The following SAMMSON variants were observed in gnomAD, a reference collection of about 807,000 sequenced individuals.
The protein encoded by SAMMSON is survival associated mitochondrial melanoma specific oncogenic non-coding RNA, also known as long intergenic non-protein coding RNA 1212.
chr3:70,034,281 C>T (rs1166877116), intron 3 of SAMMSON, among the ~76,000 whole-genome samples: 1 of 152,054 alleles, frequency 6.6e-6, no homozygotes, highest in Non-Finnish European at 1.5e-5. Flanking sequence ...TTGCTATTCT[C>T]TATGTATGTG....
chr3:70,009,470 G>C (rs1425621789), intron 1 of SAMMSON, among the ~76,000 whole-genome samples: 1 of 152,138 alleles, frequency 6.6e-6, no homozygotes, highest in East Asian at 1.9e-4. Flanking sequence ...ATTTCTGTGG[G>C]ATCGGTGGTG....
At chr3:70,362,149 C>G (rs1330124019) in intron 9 of SAMMSON, among the ~76,000 whole-genome samples, 1 of 152,094 alleles carries the variant, frequency 6.6e-6, no homozygotes, top group African/African-American at 2.4e-5. Context: ...AAGTCAAAGT[C>G]TTTACTTGGG....
At chr3:70,115,244 CAGA>C (rs962025501) in intron 4 of SAMMSON, among the ~76,000 whole-genome samples, 3 of 147,924 alleles carry the variant, frequency 2.0e-5, no homozygotes, top group Admixed American at 6.7e-5. Flanking sequence ...AGAAAAAAAG[CAGA>C]AGACTAGAGA....
rs372964497 is a variant in SAMMSON at position 70,429,014 on chromosome 3, T to C, written n.234-33546T>C. On this transcript the variant is annotated intron_variant and non_coding_transcript_variant, in intron 2 of 3. Transcript: ENST00000641053. ...GCTTTAATTGCCATTGCTTTTGGTGTATTAGTCATGAAGTCTTTGCCCGTG... is the reference window on the plus strand; with the variant it reads ...GCTTTAATTGCCATTGCTTTTGGTGCATTAGTCATGAAGTCTTTGCCCGTG... Among the ~76,000 whole-genome samples the C allele has an allele frequency of 2.5e-4, 38 of 152,350 alleles. 1 individual carries two copies. The South Asian group carries it at 4.1e-3, about 17-fold the overall frequency.
chr3:70,185,972 G>C (rs147088717), intron 4 of SAMMSON, among the ~76,000 whole-genome samples: 5 of 152,108 alleles, frequency 3.3e-5, no homozygotes, highest in African/African-American at 9.6e-5. Flanking sequence ...GTGAGACCTT[G>C]TCTCAAAAAA....
At chr3:70,332,222 A>G (rs558449937) in intron 7 of SAMMSON, among the ~76,000 whole-genome samples, 5 of 152,360 alleles carry the variant, frequency 3.3e-5, no homozygotes, top group African/African-American at 1.2e-4. Flanking sequence ...CATGAGGACT[A>G]TTACCAGAAG....
intron 4 of SAMMSON, among the ~76,000 whole-genome samples, chr3:70,072,969 T>G (rs73836089): frequency 0.011 from 1,732 of 152,156 alleles, 38 homozygotes; most frequent in African/African-American, 0.039. Context: ...AAAGTGAGCT[T>G]TGGCCTCTGT....
At chr3:70,396,247 T>C (rs1354463241) in intron 2 of SAMMSON, among the ~76,000 whole-genome samples, 5 of 152,190 alleles carry the variant, frequency 3.3e-5, no homozygotes, top group African/African-American at 4.8e-5. Context: ...GTTATAAATA[T>C]GAAATATTAC....
chr3:70,126,651 T>C (rs2067460181), intron 4 of SAMMSON: 2 of 321,722 alleles, frequency 6.2e-6, no homozygotes, highest in East Asian at 7.0e-5. Flanking sequence ...TGGGACTCAC[T>C]GTCAAGATTA....
chr3:69,999,996 C>T (rs1267574310), intron 1 of SAMMSON: 1 of 152,270 alleles, frequency 6.6e-6, no homozygotes, highest in Non-Finnish European at 1.5e-5. Flanking sequence ...ACTTTGCACT[C>T]ATTCTCCAAG....
chr3:70,349,865 A>T (rs998782822), intron 7 of SAMMSON, among the ~76,000 whole-genome samples: 2 of 152,214 alleles, frequency 1.3e-5, no homozygotes, highest in African/African-American at 4.8e-5. Flanking sequence ...TCCTTCTATC[A>T]CTTATGCACC....
intron 6 of SAMMSON, among the ~76,000 whole-genome samples, chr3:70,263,953 T>A (rs1701891417): frequency 6.6e-6 from 1 of 152,196 alleles, no homozygotes; most frequent in Non-Finnish European, 1.5e-5. Flanking sequence ...TCTAGTTCTT[T>A]AGGTGTCAAC....
intron 7 of SAMMSON, among the ~76,000 whole-genome samples, chr3:70,296,476 C>T (rs1702289823): frequency 1.3e-5 from 2 of 152,238 alleles, no homozygotes; most frequent in Admixed American, 6.5e-5. Context: ...CACACCGTGA[C>T]ATTGGTTAAC....
intron 4 of SAMMSON, among the ~76,000 whole-genome samples, chr3:70,154,885 A>G (rs2067585844): frequency 1.3e-5 from 2 of 151,994 alleles, no homozygotes. Flanking sequence ...TATAGGCTGG[A>G]GAGAAAAATG....
At chr3:70,316,329 A>C (rs1252981956) in intron 7 of SAMMSON, among the ~76,000 whole-genome samples, 1 of 152,124 alleles carries the variant, frequency 6.6e-6, no homozygotes, top group Non-Finnish European at 1.5e-5. Flanking sequence ...TAAAACAATA[A>C]AATTATATAT....
chr3:70,224,985 G>A (rs912853914), intron 4 of SAMMSON, among the ~76,000 whole-genome samples: 2 of 152,110 alleles, frequency 1.3e-5, no homozygotes, highest in Non-Finnish European at 2.9e-5. Context: ...TTTTGGATAG[G>A]TGACATGACA....
intron 3 of SAMMSON, among the ~76,000 whole-genome samples, chr3:70,019,553 CTT>C (rs2067001792): frequency 6.6e-6 from 1 of 152,132 alleles, no homozygotes. Flanking sequence ...CAGTCTGTGT[CTT>C]TTAATTGGAG....
At chr3:70,393,495 T>C (rs1274875450), downstream of SAMMSON, among the ~76,000 whole-genome samples, 1 of 152,216 alleles carries the variant, frequency 6.6e-6, no homozygotes, top group Non-Finnish European at 1.5e-5. Context: ...TGAGCAATGC[T>C]ACAGCTTGGG....
chr3:70,185,690 A>C (rs1701086525), intron 4 of SAMMSON, among the ~76,000 whole-genome samples: 1 of 151,506 alleles, frequency 6.6e-6, no homozygotes, highest in Admixed American at 6.6e-5. Flanking sequence ...AAACTCTTCC[A>C]TGGGTCATTC....
Sources: allele counts gnomAD v4.1 joint callset (sites outside exome capture counted in the v4.1 genomes callset), GRCh38; gene constraint gnomAD v4.1.1; transcripts MANE v1.5; gene names NCBI Gene and HGNC (gene_info 2026-07-23, HGNC 2026-07-21).